EPHA6: variants seen among roughly 807,000 people sequenced by gnomAD.
EPHA6 encodes EPH receptor A6, also known as ephrin type-A receptor 6.
In EPHA6, 50 loss-of-function variants were observed where a neutral mutation model predicts 112.0. The observed-to-expected ratio is 0.45, with a 90% confidence interval of 0.36 to 0.56. The LOEUF (loss-of-function observed/expected upper bound fraction) is 0.56. Among genes scored for constraint, EPHA6 ranks in the 20% least tolerant of loss-of-function variants. The pLI is 0.00. For missense variants in EPHA6, 1,280 were observed against 1,417.4 expected, an observed-to-expected ratio of 0.90 and a Z score of 1.56; for synonymous variants, 529 against 490.7, an observed-to-expected ratio of 1.08 and a Z score of -1.03.
intron 4 of EPHA6, among the ~76,000 whole-genome samples, chr3:97,233,671 T>A (rs1168232570): frequency 6.6e-6 from 1 of 152,204 alleles, no homozygotes; most frequent in Non-Finnish European, 1.5e-5. Context: ...CCCATTACTA[T>A]CTGGTGTCTT....
intron 6 of EPHA6, among the ~76,000 whole-genome samples, chr3:97,419,043 G>C (rs1032443399): frequency 6.6e-6 from 1 of 152,118 alleles, no homozygotes; most frequent in African/African-American, 2.4e-5. Context: ...TGTGGCTCAC[G>C]CCTGTAATCC....
chr3:97,348,470 TA>T (rs2083643285), intron 5 of EPHA6, among the ~76,000 whole-genome samples: 1 of 152,044 alleles, frequency 6.6e-6, no homozygotes, highest in African/African-American at 2.4e-5. Flanking sequence ...TGATTCCACA[TA>T]TAAGATGGAG....
chr3:97,697,101 C>T (rs1183458099), intron 14 of EPHA6, among the ~76,000 whole-genome samples: 3 of 152,154 alleles, frequency 2.0e-5, no homozygotes, highest in African/African-American at 7.2e-5. Flanking sequence ...TGAAATTTCT[C>T]CCCGTGGTCC....
intron 3 of EPHA6, among the ~76,000 whole-genome samples, chr3:97,068,872 A>T (rs1285651114): frequency 6.6e-6 from 1 of 152,168 alleles, no homozygotes; most frequent in East Asian, 1.9e-4. Flanking sequence ...CCAGAACCTG[A>T]CTATATTGAC....
chr3:97,629,743 T>C lies in EPHA6; in HGVS notation c.2575-8130T>C, dbSNP rs561296377. ...CCCTAAATTTATAATTTAACCATGC[T>C]CAATAACCAGAATCACCATCTTAGA... On this transcript the variant is annotated intron_variant, in intron 13 of 17. Transcript: ENST00000389672. Among the ~76,000 whole-genome samples the C allele has an allele frequency of 3.9e-5, 6 of 152,084 alleles. No individual in the cohort carries two copies. In the East Asian group the frequency reaches 7.8e-4, roughly 20 times the overall value.
At chr3:97,650,960 A>C (rs542206593) in intron 14 of EPHA6, among the ~76,000 whole-genome samples, 1 of 151,752 alleles carries the variant, frequency 6.6e-6, no homozygotes, top group East Asian at 1.9e-4. Flanking sequence ...TCTTTTCAGC[A>C]CTCAAGATTT....
intron 2 of EPHA6, among the ~76,000 whole-genome samples, chr3:96,907,889 A>G (rs1439375021): frequency 6.6e-6 from 1 of 151,998 alleles, no homozygotes; most frequent in Non-Finnish European, 1.5e-5. Flanking sequence ...TATAATAAAC[A>G]TTCATGCATT....
chr3:97,208,541 T>G (rs2077775856), intron 3 of EPHA6, among the ~76,000 whole-genome samples: 1 of 151,414 alleles, frequency 6.6e-6, no homozygotes, highest in African/African-American at 2.4e-5. Flanking sequence ...AGCTCAGGAG[T>G]TCAAGACCAG....
intron 2 of EPHA6, among the ~76,000 whole-genome samples, chr3:96,929,012 T>C (rs1395405276): frequency 2.0e-5 from 3 of 152,188 alleles, no homozygotes; most frequent in Non-Finnish European, 4.4e-5. Flanking sequence ...TTGTGTGTCT[T>C]TGCATGTGAG....
At chr3:97,667,968 T>C (rs2030331267) in intron 14 of EPHA6, among the ~76,000 whole-genome samples, 1 of 152,212 alleles carries the variant, frequency 6.6e-6, no homozygotes, top group African/African-American at 2.4e-5. Flanking sequence ...AAATAAACTA[T>C]AAATTCCTTT....
chr3:97,191,550 A>G (rs2077306121), intron 3 of EPHA6, among the ~76,000 whole-genome samples: 1 of 152,032 alleles, frequency 6.6e-6, no homozygotes, highest in Non-Finnish European at 1.5e-5. Flanking sequence ...TAGCTTCTAC[A>G]AATGTGTGAG....
intron 13 of EPHA6, among the ~76,000 whole-genome samples, chr3:97,615,997 G>A (rs2093762864): frequency 6.6e-6 from 1 of 152,172 alleles, no homozygotes; most frequent in African/African-American, 2.4e-5. Context: ...CTTGAAGAGT[G>A]TATCTAATCC....
At chr3:97,012,291 T>G (rs1486344482) in intron 3 of EPHA6, among the ~76,000 whole-genome samples, 7 of 151,744 alleles carry the variant, frequency 4.6e-5, no homozygotes, top group African/African-American at 1.7e-4. Flanking sequence ...AAGTTTTCCC[T>G]TTTCTTTGCA....
At chr3:97,396,288 C>A (rs1190599403) in intron 5 of EPHA6, among the ~76,000 whole-genome samples, 1 of 149,292 alleles carries the variant, frequency 6.7e-6, no homozygotes, top group Non-Finnish European at 1.5e-5. Context: ...AGCACGTGCA[C>A]ACGCACACAC....
intron 3 of EPHA6, among the ~76,000 whole-genome samples, chr3:97,170,796 G>T (rs1327038955): frequency 6.6e-6 from 1 of 151,966 alleles, no homozygotes; most frequent in African/African-American, 2.4e-5. Context: ...AGGAGACAGA[G>T]AAATAAATTC....
intron 3 of EPHA6, among the ~76,000 whole-genome samples, chr3:97,184,624 A>C (rs9881965): frequency 0.21 from 31,803 of 152,126 alleles, 3,592 homozygotes; most frequent in African/African-American, 0.26. Flanking sequence ...AATATCGTGA[A>C]CATGGCCATA....
In EPHA6 at chr3:97,256,371, G is replaced by A. The variant is rs551116915; in HGVS notation, c.1606+12084G>A. Among the ~76,000 whole-genome samples, 314 of 152,040 alleles carry A rather than the reference G, an allele frequency of 2.1e-3. 1 individual carries two copies. The highest frequency in any genetic ancestry group is 1.9e-3 in the Non-Finnish European group (132 of 67,894). ...ACACCACAGGCAGAGTATGGGAAGA[G>A]TTTTCCTTTATTTAACGTAAATTTG... On this transcript the variant is annotated intron_variant, in intron 5 of 17. Transcript: ENST00000389672.
At chr3:97,099,358 T>G (rs1233060297) in intron 3 of EPHA6, among the ~76,000 whole-genome samples, 1 of 151,944 alleles carries the variant, frequency 6.6e-6, no homozygotes, top group African/African-American at 2.4e-5. Flanking sequence ...CTTTAAGAAC[T>G]GATTTTGTGG....
chr3:97,583,452 T>C (rs1284958854), intron 11 of EPHA6, among the ~76,000 whole-genome samples: 1 of 151,250 alleles, frequency 6.6e-6, no homozygotes, highest in Non-Finnish European at 1.5e-5. Flanking sequence ...GGCAGGAGAA[T>C]GGTGTGAACC....
Sources: gnomAD v4.1 joint callset for allele counts (sites outside exome capture counted in the v4.1 genomes callset) on GRCh38, gnomAD v4.1.1 for gene constraint, MANE v1.5 for transcripts, NCBI Gene and HGNC (gene_info 2026-07-23, HGNC 2026-07-21) for gene names.